Variants in SRGAP3 observed in about 807,000 individuals in gnomAD.
SRGAP3 encodes the protein SLIT-ROBO Rho GTPase-activating protein 3.
A neutral mutation model predicts 121.1 loss-of-function variants in SRGAP3; 39 were observed. That is an observed-to-expected ratio of 0.32 (90% CI 0.25 to 0.42). SRGAP3 has a LOEUF of 0.42. SRGAP3 is among the 10% of genes least tolerant of loss of function. SRGAP3 has a pLI of 1.00. For synonymous variants in SRGAP3, 601 were observed against 570.0 expected (o/e 1.05, Z -0.77); for missense variants, 1,213 against 1,470.6 (o/e 0.82, Z 2.86).
At chr3:9,055,662 A>G (rs1377748136) in intron 8 of SRGAP3, among the ~76,000 whole-genome samples, 1 of 152,234 alleles carries the variant, frequency 6.6e-6, no homozygotes, top group African/African-American at 2.4e-5. Context: ...AATTTAAAAT[A>G]CCTACTGTTA....
chr3:9,038,780 CCTT>C (rs1393476577), intron 10 of SRGAP3, among the ~76,000 whole-genome samples: 1 of 152,216 alleles, frequency 6.6e-6, no homozygotes, highest in Non-Finnish European at 1.5e-5. Flanking sequence ...TCCCCTCTGT[CCTT>C]CTGGGGGCCT....
chr3:9,068,184 C>T (rs925976433), intron 4 of SRGAP3, among the ~76,000 whole-genome samples: 1 of 152,126 alleles, frequency 6.6e-6, no homozygotes, highest in African/African-American at 2.4e-5. Flanking sequence ...CTTGCCTCGC[C>T]ACGAATCTGT....
intron 18 of SRGAP3, among the ~76,000 whole-genome samples, chr3:9,005,185 T>C (rs1334775295): frequency 6.6e-6 from 1 of 152,172 alleles, no homozygotes. Context: ...ATGATGAACA[T>C]TATCAGTCAT....
rs1282003327 is a variant in SRGAP3 at position 8,983,306 on chromosome 3, C to T, written c.*2213G>A. The T allele has an allele frequency of 4.4e-6, 1 of 227,730 alleles. No homozygotes were observed. Among genetic ancestry groups the T allele is most frequent in the Non-Finnish European group, 8.7e-6 (1 of 114,786 alleles). 14.1% of individuals were successfully genotyped at this position (227,730 alleles called of 1,614,324 possible). On this transcript the variant is annotated 3_prime_UTR_variant, in exon 22 of 22. Coordinates refer to ENST00000383836, the MANE Select transcript of SRGAP3 (RefSeq NM_014850.4). ...GCAGATGGCCTTTCATATCCAGGAG[C>T]TAAAGAGAAGGGTTCATTCTAGGCC...
At chr3:9,361,835 G>A (rs2030863249) in intron 1 of SRGAP3, among the ~76,000 whole-genome samples, 2 of 152,152 alleles carry the variant, frequency 1.3e-5, no homozygotes, top group Non-Finnish European at 2.9e-5. Context: ...CCAGTCGACA[G>A]AGGACGTGCA....
intron 3 of SRGAP3, chr3:9,081,148 T>C (rs1375352921): frequency 2.5e-6 from 1 of 395,536 alleles, no homozygotes; most frequent in Non-Finnish European, 5.0e-6. Context: ...ATCGCCTTCC[T>C]AGCTTTCAAG....
At chr3:9,002,150 C>T (rs1297866319) in intron 18 of SRGAP3, among the ~76,000 whole-genome samples, 1 of 152,098 alleles carries the variant, frequency 6.6e-6, no homozygotes, top group African/African-American at 2.4e-5. Flanking sequence ...TGGGTATGCC[C>T]TATGCTAGTC....
intron 1 of SRGAP3, among the ~76,000 whole-genome samples, chr3:9,205,379 T>G (rs1952229510): frequency 2.0e-5 from 3 of 152,242 alleles, no homozygotes; most frequent in Non-Finnish European, 4.4e-5. Flanking sequence ...TTGCAGCACG[T>G]CTCACACGGG....
chr3:9,340,285 T>C (rs1019410814), intron 1 of SRGAP3, among the ~76,000 whole-genome samples: 18 of 152,358 alleles, frequency 1.2e-4, no homozygotes, highest in South Asian at 8.3e-4. Context: ...AAAGAGCTCA[T>C]GATTTCCCTC....
At chr3:9,248,812 C>A (rs187653613) in intron 1 of SRGAP3, 73 bp downstream of exon 1, 39 of 1,466,930 alleles carry the variant, frequency 2.7e-5, no homozygotes, top group Non-Finnish European at 3.5e-5. Context: ...CGGGGGGCAG[C>A]GGGGGATGGG....
chr3:9,177,809 A>ACT (rs1386977480), intron 1 of SRGAP3, among the ~76,000 whole-genome samples: 1 of 152,166 alleles, frequency 6.6e-6, no homozygotes, highest in Non-Finnish European at 1.5e-5. Context: ...TCTAGGGAAG[A>ACT]CCATGTGACC....
intron 20 of SRGAP3, among the ~76,000 whole-genome samples, chr3:8,991,297 G>A (rs1183112250): frequency 6.6e-6 from 1 of 152,178 alleles, no homozygotes; most frequent in African/African-American, 2.4e-5. Flanking sequence ...TGCAAGCACA[G>A]TTGGGGTCCC....
chr3:9,048,821 C>T (rs1040482092), intron 9 of SRGAP3, among the ~76,000 whole-genome samples: 7 of 152,066 alleles, frequency 4.6e-5, no homozygotes, highest in Admixed American at 4.6e-4. Context: ...GAGACCCTAT[C>T]TCCACAAAAA....
intron 3 of SRGAP3, among the ~76,000 whole-genome samples, chr3:9,280,249 C>A (rs1010119206): frequency 6.6e-6 from 1 of 152,214 alleles, no homozygotes; most frequent in African/African-American, 2.4e-5. Flanking sequence ...GCCTGTGAAC[C>A]AGACAGGCAA....
At chr3:9,310,070 T>C (rs1955217284) in intron 3 of SRGAP3, among the ~76,000 whole-genome samples, 1 of 152,190 alleles carries the variant, frequency 6.6e-6, no homozygotes, top group Admixed American at 6.5e-5. Flanking sequence ...TTTGATCCCT[T>C]TCTTGTTATA....
chr3:9,124,976 C>T, intron 1 of SRGAP3, 59 bp from the exon 2 acceptor site: 1 of 1,601,212 alleles, frequency 6.2e-7, no homozygotes, highest in South Asian at 1.1e-5. Context: ...GCACTGGGGC[C>T]CGCTCTGCTG....
intron 3 of SRGAP3, among the ~76,000 whole-genome samples, chr3:9,277,540 G>A (rs972878323): frequency 5.4e-5 from 8 of 147,520 alleles, no homozygotes; most frequent in East Asian, 2.0e-4. Context: ...CCCGGGAGGC[G>A]GAGGTTGCAG....
intron 17 of SRGAP3, among the ~76,000 whole-genome samples, chr3:9,013,010 T>C (rs1223493387): frequency 2.0e-5 from 3 of 152,168 alleles, no homozygotes; most frequent in East Asian, 3.9e-4. Context: ...GTGGTAATAG[T>C]TGAGCCCCTG....
intron 1 of SRGAP3, among the ~76,000 whole-genome samples, chr3:9,155,108 T>G (rs988407439): frequency 1.3e-5 from 2 of 152,102 alleles, no homozygotes; most frequent in Admixed American, 6.5e-5. Flanking sequence ...TGTATTAAAG[T>G]GTCTTCTTTT....
Sources: gnomAD v4.1 joint callset for allele counts (sites outside exome capture counted in the v4.1 genomes callset) on GRCh38, gnomAD v4.1.1 for gene constraint, MANE v1.5 for transcripts, NCBI Gene and HGNC (gene_info 2026-07-23, HGNC 2026-07-21) for gene names.